The following EXOC6 variants were observed in gnomAD, a reference collection of about 807,000 sequenced individuals.
The protein encoded by EXOC6 is SEC15-like 1.
EXOC6 carries 60 observed loss-of-function variants against 112.5 expected under a neutral mutation model. That is an observed-to-expected ratio of 0.53 (90% CI 0.43 to 0.66). The LOEUF (loss-of-function observed/expected upper bound fraction) is 0.66, where lower values mean the gene tolerates loss of function less well. Ranked by LOEUF, EXOC6 falls within the 30% of genes least tolerant of loss-of-function variation. The pLI, the probability that EXOC6 is intolerant of heterozygous loss-of-function variation, is 0.00. For synonymous variants in EXOC6, 295 were observed against 308.0 expected, an observed-to-expected ratio of 0.96 and a Z score of 0.44; for missense variants, 855 against 957.1, an observed-to-expected ratio of 0.89 and a Z score of 1.41.
At chr10:92,896,095 GTGTGTATATATA>G (rs1849754684) in intron 4 of EXOC6, among the ~76,000 whole-genome samples, 1 of 39,014 alleles carries the variant, frequency 2.6e-5, no homozygotes, top group Non-Finnish European at 4.2e-5. Context: ...ATATATATAT[GTGTGTATATATA>G]TGTGTATATA....
intron 13 of EXOC6, among the ~76,000 whole-genome samples, chr10:92,945,033 A>G (rs1417346856): frequency 6.6e-6 from 1 of 151,954 alleles, no homozygotes; most frequent in Non-Finnish European, 1.5e-5. Flanking sequence ...CCGCCTCCCA[A>G]AGTGCTGGGA....
At chr10:92,954,882 A>AC in intron 16 of EXOC6, 141 bp downstream of exon 16, 1 of 514,794 alleles carries the variant, frequency 1.9e-6, no homozygotes, top group Non-Finnish European at 3.4e-6. Context: ...AAATAAAAAC[A>AC]CCAGTGTAAA....
chr10:92,925,796 A>G (rs1257445711), intron 8 of EXOC6, among the ~76,000 whole-genome samples: 3 of 152,058 alleles, frequency 2.0e-5, no homozygotes, highest in Non-Finnish European at 4.4e-5. Flanking sequence ...AGTAGCTGGG[A>G]CTACAGGTGC....
At chr10:92,905,835 G>A (rs190309489) in intron 5 of EXOC6, among the ~76,000 whole-genome samples, 1 of 152,080 alleles carries the variant, frequency 6.6e-6, no homozygotes. Flanking sequence ...GAAGTATTCT[G>A]TCAATGCCAA....
At chr10:92,873,459 T>C (rs1848544054) in intron 1 of EXOC6, among the ~76,000 whole-genome samples, 1 of 152,032 alleles carries the variant, frequency 6.6e-6, no homozygotes, top group Admixed American at 6.5e-5. Flanking sequence ...ATCAGAAATA[T>C]ACAGAAAATC....
At chr10:92,886,420 T>G (rs1849219467) in intron 1 of EXOC6, among the ~76,000 whole-genome samples, 2 of 152,200 alleles carry the variant, frequency 1.3e-5, no homozygotes, top group Admixed American at 6.5e-5. Flanking sequence ...CATTGGTTGA[T>G]TTCACCTGAT....
intron 17 of EXOC6, among the ~76,000 whole-genome samples, chr10:92,958,517 G>A (rs1421443755): frequency 6.6e-6 from 1 of 152,116 alleles, no homozygotes; most frequent in Non-Finnish European, 1.5e-5. Flanking sequence ...TGACTATGTA[G>A]CAAAGCCTTT....
At chr10:92,966,507 A>C (rs1002935749) in intron 17 of EXOC6, among the ~76,000 whole-genome samples, 1 of 137,486 alleles carries the variant, frequency 7.3e-6, no homozygotes, top group Non-Finnish European at 1.5e-5. Context: ...CTCATTGTTC[A>C]ATTCCCATCT....
chr10:92,884,735 A>G (rs894980372), intron 1 of EXOC6, among the ~76,000 whole-genome samples: 3 of 152,240 alleles, frequency 2.0e-5, no homozygotes, highest in Non-Finnish European at 4.4e-5. Context: ...ATTCTTTACA[A>G]TGAAGACTGC....
upstream of EXOC6, among the ~76,000 whole-genome samples, chr10:92,830,969 T>C (rs1160497518): frequency 6.6e-6 from 1 of 152,228 alleles, no homozygotes; most frequent in South Asian, 2.1e-4. Context: ...TTGTTAGCAC[T>C]ATGAGACAGG....
chr10:93,016,056 T>A (rs543634988), intron 20 of EXOC6, among the ~76,000 whole-genome samples: 8 of 152,280 alleles, frequency 5.3e-5, no homozygotes, highest in East Asian at 1.9e-4. Context: ...ATAAAAAAAA[T>A]TTTATTTTTT....
intron 20 of EXOC6, among the ~76,000 whole-genome samples, chr10:93,024,928 G>A (rs369031056): frequency 9.9e-5 from 15 of 151,992 alleles, no homozygotes; most frequent in African/African-American, 3.6e-4. Flanking sequence ...TGGAAAGCCC[G>A]ACCGCAGGGA....
At chr10:93,034,205 T>C (rs1337674091) in intron 20 of EXOC6, among the ~76,000 whole-genome samples, 1 of 152,182 alleles carries the variant, frequency 6.6e-6, no homozygotes, top group African/African-American at 2.4e-5. Flanking sequence ...GGTTATCAGT[T>C]GATTGAGTCA....
intron 9 of EXOC6, among the ~76,000 whole-genome samples, chr10:92,931,514 A>G (rs1310052966): frequency 6.6e-6 from 1 of 151,798 alleles, no homozygotes; most frequent in East Asian, 2.0e-4. Context: ...GAAAAACTAT[A>G]CTGAACATCT....
intron 1 of EXOC6, among the ~76,000 whole-genome samples, chr10:92,887,010 C>T (rs1849249737): frequency 6.6e-6 from 1 of 152,200 alleles, no homozygotes; most frequent in East Asian, 1.9e-4. Context: ...CATGACTCCT[C>T]TCTGGCCGGT....
At chr10:92,863,178 A>T (rs976714685) in intron 1 of EXOC6, among the ~76,000 whole-genome samples, 10 of 152,228 alleles carry the variant, frequency 6.6e-5, no homozygotes, top group Non-Finnish European at 1.2e-4. Context: ...CAGCTACTTT[A>T]AAAGTTTGAT....
At chr10:92,944,144 A>G (rs887021234) in intron 13 of EXOC6, among the ~76,000 whole-genome samples, 3 of 152,130 alleles carry the variant, frequency 2.0e-5, no homozygotes, top group African/African-American at 7.2e-5. Flanking sequence ...AATCCATTCA[A>G]AGGTCGATTC....
intron 1 of EXOC6, among the ~76,000 whole-genome samples, chr10:92,829,520 C>T (rs1328223610): frequency 1.3e-5 from 2 of 152,350 alleles, no homozygotes; most frequent in Admixed American, 1.3e-4. Context: ...CACTTCACTA[C>T]CTTCTGGGGC....
intron 8 of EXOC6, among the ~76,000 whole-genome samples, chr10:92,923,994 G>T (rs1314473957): frequency 3.3e-5 from 5 of 151,936 alleles, no homozygotes; most frequent in Non-Finnish European, 7.4e-5. Context: ...TTCCATTTTT[G>T]CACAAATTTC....
Sources: allele counts gnomAD v4.1 joint callset (sites outside exome capture counted in the v4.1 genomes callset), GRCh38; gene constraint gnomAD v4.1.1; transcripts MANE v1.5; gene names NCBI Gene and HGNC (gene_info 2026-07-23, HGNC 2026-07-21).